NKAIN3: variants seen among roughly 807,000 people sequenced by gnomAD.
The protein encoded by NKAIN3 is sodium/potassium transporting ATPase interacting 3.
NKAIN3 carries 25 observed loss-of-function variants against 30.2 expected under a neutral mutation model. That is an observed-to-expected ratio of 0.83 (90% CI 0.60 to 1.16). NKAIN3 has a LOEUF of 1.16. NKAIN3 is among the 50% of genes most tolerant of loss of function. The pLI is 0.00. For missense variants in NKAIN3, 225 were observed against 254.1 expected (o/e 0.89, Z 0.78); for synonymous variants, 91 against 89.6 (o/e 1.02, Z -0.09).
intron 3 of NKAIN3, among the ~76,000 whole-genome samples, chr8:62,641,916 G>C (rs1812319028): frequency 6.6e-6 from 1 of 151,886 alleles, no homozygotes; most frequent in Non-Finnish European, 1.5e-5. Flanking sequence ...ATCTCATTTA[G>C]AAATGAATAG....
At chr8:62,790,300 T>C (rs1363030358) in intron 4 of NKAIN3, among the ~76,000 whole-genome samples, 2 of 152,134 alleles carry the variant, frequency 1.3e-5, no homozygotes, top group Non-Finnish European at 2.9e-5. Flanking sequence ...TAGGTGTTGA[T>C]GGGATGTATC....
At chr8:62,293,019 A>G (rs760990158) in intron 1 of NKAIN3, among the ~76,000 whole-genome samples, 10 of 152,048 alleles carry the variant, frequency 6.6e-5, no homozygotes, top group Non-Finnish European at 1.5e-4. Context: ...CACTTGATCA[A>G]ATTGGCTACT....
At chr8:62,742,211 A>G (rs1480122) in intron 3 of NKAIN3, among the ~76,000 whole-genome samples, 111,862 of 151,870 alleles carry the variant, frequency 0.74, 41,818 homozygotes, top group Admixed American at 0.81. Flanking sequence ...CTTAAATAAC[A>G]TCTTCAACTG....
At chr8:62,907,035 G>C (rs990316337) in intron 4 of NKAIN3, among the ~76,000 whole-genome samples, 1 of 152,326 alleles carries the variant, frequency 6.6e-6, no homozygotes, top group South Asian at 2.1e-4. Context: ...GAATAACTTT[G>C]TTCAAAATGC....
chr8:62,872,838 G>T (rs1190531353), intron 4 of NKAIN3, among the ~76,000 whole-genome samples: 1 of 152,074 alleles, frequency 6.6e-6, no homozygotes, highest in African/African-American at 2.4e-5. Context: ...TTACCACCAG[G>T]CCTGCTCTTC....
chr8:62,562,841 A>G (rs1036753486), intron 1 of NKAIN3, among the ~76,000 whole-genome samples: 1 of 152,138 alleles, frequency 6.6e-6, no homozygotes, highest in Non-Finnish European at 1.5e-5. Context: ...CTTTAAAGAG[A>G]CTTTTTAAAA....
chr8:62,408,898 A>G (rs979811612), intron 1 of NKAIN3, among the ~76,000 whole-genome samples: 20 of 152,202 alleles, frequency 1.3e-4, no homozygotes, highest in African/African-American at 4.8e-4. Flanking sequence ...GACAAATCTA[A>G]TTGTTAGAGA....
intron 4 of NKAIN3, among the ~76,000 whole-genome samples, chr8:62,762,767 G>C (rs542413792): frequency 6.6e-6 from 1 of 152,250 alleles, no homozygotes; most frequent in South Asian, 2.1e-4. Context: ...TTTTGGATCT[G>C]AGCAACAGGA....
chr8:62,376,078 G>A (rs191340023), intron 1 of NKAIN3, among the ~76,000 whole-genome samples: 188 of 152,242 alleles, frequency 1.2e-3, no homozygotes, highest in African/African-American at 4.3e-3. Flanking sequence ...AATGTAAAAT[G>A]TTGAACTGCA....
Position 62,322,300 on chromosome 8 carries a change from G to T in NKAIN3, c.54+73173G>T, listed in dbSNP as rs113289663. Among the ~76,000 whole-genome samples the T allele has an allele frequency of 4.6e-5, 7 of 152,180 alleles. No individual in the cohort carries two copies. In the East Asian group the frequency reaches 1.4e-3, roughly 29 times the overall value. On this transcript the variant is annotated intron_variant, in intron 1 of 6. Coordinates refer to ENST00000623646, the MANE Select transcript of NKAIN3 (RefSeq NM_001304533.3). ...CTGGGTGAGGCAATGCCTTGCCCTG[G>T]TTCGGCTCACGCTCGGTGCACTGTA...
At chr8:62,547,856 A>G (rs1809067253) in intron 1 of NKAIN3, among the ~76,000 whole-genome samples, 1 of 152,180 alleles carries the variant, frequency 6.6e-6, no homozygotes, top group Non-Finnish European at 1.5e-5. Context: ...CTCAAATTTG[A>G]ATGCACGTAA....
At chr8:62,480,429 A>G (rs927031709) in intron 1 of NKAIN3, among the ~76,000 whole-genome samples, 30 of 152,098 alleles carry the variant, frequency 2.0e-4, no homozygotes, top group African/African-American at 6.8e-4. Flanking sequence ...TGGGGGGAAA[A>G]TCACTCCATA....
intron 3 of NKAIN3, among the ~76,000 whole-genome samples, chr8:62,714,867 A>G (rs1170373524): frequency 6.6e-6 from 1 of 152,232 alleles, no homozygotes; most frequent in Non-Finnish European, 1.5e-5. Flanking sequence ...AAACTCTGAC[A>G]CAAAATGCCT....
intron 1 of NKAIN3, among the ~76,000 whole-genome samples, chr8:62,310,106 A>T (rs1002640913): frequency 2.0e-5 from 3 of 150,550 alleles, no homozygotes; most frequent in Non-Finnish European, 4.4e-5. Context: ...ATAGTCTATC[A>T]TCTATTTTCA....
chr8:62,789,175 T>C (rs1817625130), intron 4 of NKAIN3, among the ~76,000 whole-genome samples: 1 of 152,148 alleles, frequency 6.6e-6, no homozygotes, highest in African/African-American at 2.4e-5. Flanking sequence ...GCATGGAATG[T>C]TCTTCCATTT....
At chr8:62,736,561 T>C (rs1815682865) in intron 3 of NKAIN3, among the ~76,000 whole-genome samples, 1 of 152,134 alleles carries the variant, frequency 6.6e-6, no homozygotes, top group African/African-American at 2.4e-5. Flanking sequence ...ACCAAGTTTA[T>C]TTCCAGGCAG....
chr8:62,439,240 A>G (rs1459665727), intron 1 of NKAIN3, among the ~76,000 whole-genome samples: 1 of 152,206 alleles, frequency 6.6e-6, no homozygotes, highest in Non-Finnish European at 1.5e-5. Context: ...AGTCCTCTGG[A>G]TTAGGAAATA....
chr8:62,856,785 T>G, intron 4 of NKAIN3: 1 of 642,572 alleles, frequency 1.6e-6, no homozygotes. Flanking sequence ...CTGTAAGATG[T>G]AAATATTTCA....
chr8:62,711,595 T>A (rs200182147), intron 3 of NKAIN3, among the ~76,000 whole-genome samples: 1 of 3,448 alleles, frequency 2.9e-4, no homozygotes, highest in Non-Finnish European at 1.1e-3. Context: ...TTGTTTATTG[T>A]TTTTTTCTTT....
Sources: allele counts gnomAD v4.1 joint callset (sites outside exome capture counted in the v4.1 genomes callset), GRCh38; gene constraint gnomAD v4.1.1; transcripts MANE v1.5; gene names NCBI Gene and HGNC (gene_info 2026-07-23, HGNC 2026-07-21).